Variants in ZNF185 observed in about 807,000 individuals in gnomAD.
ZNF185 encodes zinc finger protein 185 with LIM domain.
A neutral mutation model predicts 58.6 loss-of-function variants in ZNF185; 56 were observed. The observed-to-expected ratio is 0.95, with a 90% CI of 0.77 to 1.19. The LOEUF is 1.19. ZNF185 is among the 50% of genes most tolerant of loss of function. ZNF185 has a pLI of 0.00. For synonymous variants in ZNF185, 230 were observed against 215.9 expected (o/e 1.07, Z -0.57); for missense variants, 627 against 573.5 (o/e 1.09, Z -0.95).
upstream of ZNF185, among the ~76,000 whole-genome samples, chrX:152,912,316 G>A (rs1356011733): frequency 1.8e-5 from 2 of 112,423 alleles, no homozygotes; most frequent in African/African-American, 6.5e-5. Context: ...GCCCTCTGCA[G>A]GGGACGGATG....
chrX:152,940,589 G>T (rs781954875), intron 15 of ZNF185, among the ~76,000 whole-genome samples: 1 of 111,243 alleles, frequency 9.0e-6, no homozygotes, highest in African/African-American at 3.3e-5. Flanking sequence ...TATAGGTGAA[G>T]TCTCATAAGT....
chrX:152,970,834 C>G (rs2050606667), intron 22 of ZNF185, among the ~76,000 whole-genome samples: 1 of 111,243 alleles, frequency 9.0e-6, no homozygotes, highest in Non-Finnish European at 1.9e-5. Flanking sequence ...TTGTTAGCCC[C>G]ATTTTGCAAC....
At chrX:152,945,342 A>G (rs2047678711) in exon 16 of ZNF185, 2 of 1,207,430 alleles carry the variant, frequency 1.7e-6, no homozygotes, top group African/African-American at 3.5e-5. Context: ...CTGGAGCTCC[A>G]AGAGGTGGCC....
the ZNF185 span, among the ~76,000 whole-genome samples, chrX:152,904,440 C>T: frequency 8.9e-6 from 1 of 112,874 alleles, no homozygotes; most frequent in Non-Finnish European, 1.9e-5. Context: ...TGACTGTTGC[C>T]TTGCCAGCTG....
intron 16 of ZNF185, among the ~76,000 whole-genome samples, chrX:152,954,217 C>A (rs2048587314): frequency 9.2e-6 from 1 of 109,169 alleles, no homozygotes; most frequent in African/African-American, 3.3e-5. Context: ...GGCCAGTGGG[C>A]AAGCAAAGGG....
At chrX:152,953,650 A>C (rs1260775351) in intron 16 of ZNF185, among the ~76,000 whole-genome samples, 4 of 112,154 alleles carry the variant, frequency 3.6e-5, no homozygotes, top group African/African-American at 1.3e-4. Flanking sequence ...GTGAACTATT[A>C]TTGCACCACT....
upstream of ZNF185, among the ~76,000 whole-genome samples, chrX:152,914,035 C>T (rs1468896830): frequency 3.6e-5 from 4 of 111,094 alleles, no homozygotes; most frequent in East Asian, 5.7e-4. Flanking sequence ...TCTGCCTGCC[C>T]TGAAGCTGTT....
In ZNF185 at chrX:152,945,468, A is replaced by T. The variant is rs782455388; in HGVS notation, c.1409+4A>T. 3.4e-6 allele frequency: 4 copies of T among 1,193,101 alleles called. No homozygotes were observed. Among genetic ancestry groups the T allele is most frequent in the Non-Finnish European group, 4.5e-6 (4 of 885,382 alleles). ...GACGAGAGAGTTGTGGCAGCAGGTA[A>T]GGGCTGAGCTGCAGTGGGCTCTGCC... is the stretch of plus-strand genomic sequence containing the variant. On this transcript the variant is annotated splice_donor_region_variant and intron_variant, in intron 16 of 22. Transcript: ENST00000449285.
At chrX:152,936,593 C>G (rs1427046817) in intron 14 of ZNF185, 80 bp downstream of exon 16, 10 of 879,021 alleles carry the variant, frequency 1.1e-5, no homozygotes, top group East Asian at 3.4e-5. Flanking sequence ...CTGCAGCACC[C>G]CAGGATCCCC....
At chrX:152,941,281 C>A (rs782609114) in intron 15 of ZNF185, among the ~76,000 whole-genome samples, 3 of 111,897 alleles carry the variant, frequency 2.7e-5, no homozygotes, top group Non-Finnish European at 5.6e-5. Flanking sequence ...TGTCTGGAGC[C>A]ATTTTTGGTT....
chrX:152,906,402 C>T, the ZNF185 span, among the ~76,000 whole-genome samples: 8 of 113,379 alleles, frequency 7.1e-5, no homozygotes, highest in Admixed American at 2.8e-4. Context: ...CCCAGAGCCA[C>T]GTGAAAGTGC....
At chrX:152,945,551 C>A (rs2047700115) in intron 16 of ZNF185, 87 bp downstream of exon 18, 1 of 1,017,358 alleles carries the variant, frequency 9.8e-7, no homozygotes, top group Non-Finnish European at 1.3e-6. Context: ...CTTCCCCACA[C>A]CCTGTGCCAA....
At chrX:152,925,774 C>T (rs916015017) in intron 11 of ZNF185, among the ~76,000 whole-genome samples, 3 of 112,196 alleles carry the variant, frequency 2.7e-5, no homozygotes, top group Admixed American at 9.4e-5. Context: ...ACTCAGGGTC[C>T]TGCAGCACTT....
intron 20 of ZNF185, among the ~76,000 whole-genome samples, chrX:152,968,204 G>A (rs2050305296): frequency 8.9e-6 from 1 of 112,285 alleles, no homozygotes; most frequent in Admixed American, 9.4e-5. Flanking sequence ...ACTTGGTGAG[G>A]CACATCAGCA....
upstream of ZNF185, among the ~76,000 whole-genome samples, chrX:152,913,269 C>G (rs1002354438): frequency 5.3e-5 from 6 of 112,576 alleles, no homozygotes; most frequent in African/African-American, 1.6e-4. Context: ...TGCCCACAAG[C>G]CTGAGCCCCC....
exon 12 of ZNF185, chrX:152,928,622 C>G: frequency 8.3e-7 from 1 of 1,211,836 alleles, no homozygotes; most frequent in Non-Finnish European, 1.1e-6. Flanking sequence ...ACACCCAGGG[C>G]AGGACTCCGC....
chrX:152,910,627 C>T (rs1556860964), upstream of ZNF185, among the ~76,000 whole-genome samples: 1 of 112,344 alleles, frequency 8.9e-6, no homozygotes, highest in Non-Finnish European at 1.9e-5. Context: ...GCCACATTTT[C>T]ACCCCCATAC....
chrX:152,914,918 G>A, intron 2 of ZNF185, 85 bp downstream of exon 3: 1 of 1,095,863 alleles, frequency 9.1e-7, no homozygotes, highest in Non-Finnish European at 1.2e-6. Flanking sequence ...GATGCGAAGG[G>A]GCTTCCACCA....
upstream of ZNF185, among the ~76,000 whole-genome samples, chrX:152,909,734 A>G (rs868979998): frequency 1.2e-4 from 13 of 112,129 alleles, no homozygotes; most frequent in African/African-American, 4.2e-4. Flanking sequence ...AGGCTGCAGC[A>G]CTGCGTGGCC....
Sources: allele counts gnomAD v4.1 joint callset (sites outside exome capture counted in the v4.1 genomes callset), GRCh38; gene constraint gnomAD v4.1.1; transcripts MANE v1.5; gene names NCBI Gene and HGNC (gene_info 2026-07-23, HGNC 2026-07-21).